PLEKHA8: variants seen among roughly 807,000 people sequenced by gnomAD.
PLEKHA8 encodes pleckstrin homology domain-containing family A member 8.
PLEKHA8 carries 36 observed loss-of-function variants against 68.2 expected under a neutral mutation model. The ratio of observed to expected loss-of-function variants is 0.53; its 90% CI spans 0.40 to 0.70. The LOEUF (loss-of-function observed/expected upper bound fraction) is 0.70. PLEKHA8 is among the 30% of genes least tolerant of loss of function. PLEKHA8 has a pLI of 0.00. For missense variants in PLEKHA8, 505 were observed against 615.4 expected (o/e 0.82, Z 1.90); for synonymous variants, 211 against 216.1 (o/e 0.98, Z 0.20).
intron 4 of PLEKHA8, among the ~76,000 whole-genome samples, chr7:30,048,982 T>G (rs117127612): frequency 0.01 from 1,592 of 152,308 alleles, 22 homozygotes; most frequent in East Asian, 0.04. Context: ...ACAATGTAAA[T>G]TGAACCACTT....
chr7:30,125,768 T>G (rs1206541171), intron 13 of PLEKHA8, among the ~76,000 whole-genome samples: 7 of 152,242 alleles, frequency 4.6e-5, no homozygotes, highest in Admixed American at 4.6e-4. Context: ...GCTGAATCTC[T>G]TTACTTCATA....
downstream of PLEKHA8, among the ~76,000 whole-genome samples, chr7:30,085,343 C>T (rs950995760): frequency 2.6e-5 from 4 of 152,146 alleles, no homozygotes; most frequent in African/African-American, 9.7e-5. Context: ...TTTAAGCATT[C>T]GAGAAAGGCT....
intron 13 of PLEKHA8, among the ~76,000 whole-genome samples, chr7:30,113,135 GTT>G (rs1554282317): frequency 6.6e-6 from 1 of 152,100 alleles, no homozygotes; most frequent in Non-Finnish European, 1.5e-5. Flanking sequence ...ACAGTCAGTG[GTT>G]GCTCTGGTTT....
chr7:30,040,430 C>G (rs1473602573), intron 1 of PLEKHA8, among the ~76,000 whole-genome samples: 1 of 152,194 alleles, frequency 6.6e-6, no homozygotes, highest in Non-Finnish European at 1.5e-5. Flanking sequence ...AAAAAAGAAA[C>G]AGTCCCCATT....
chr7:30,034,934 T>C (rs1790952459), intron 1 of PLEKHA8, among the ~76,000 whole-genome samples: 1 of 152,232 alleles, frequency 6.6e-6, no homozygotes, highest in Non-Finnish European at 1.5e-5. Flanking sequence ...TTGCCAAACC[T>C]AAGGTCATGA....
downstream of PLEKHA8, among the ~76,000 whole-genome samples, chr7:30,085,130 G>A (rs1469737779): frequency 2.6e-5 from 4 of 151,610 alleles, no homozygotes; most frequent in African/African-American, 9.7e-5. Flanking sequence ...GTAGAAATGG[G>A]GTTTCACCAT....
intron 13 of PLEKHA8, chr7:30,116,049 T>G (rs1796520290): frequency 6.8e-6 from 1 of 146,058 alleles, no homozygotes; most frequent in Admixed American, 6.7e-5. Context: ...CGCATACGCA[T>G]ACATACGTAT....
Position 30,082,777 on chromosome 7 carries a change from G to T in PLEKHA8, c.*3990G>T. 1 of 985,102 alleles carries T rather than the reference G, an allele frequency of 1.0e-6. No individual in the cohort carries two copies. Among genetic ancestry groups the T allele is most frequent in the Non-Finnish European group, 1.2e-6 (1 of 829,760 alleles). 61.0% of individuals were successfully genotyped at this position (985,102 alleles called of 1,614,324 possible). A position where few individuals can be genotyped will look rare whatever the true frequency, so the allele number is the denominator to read the frequency against. ...TTTTTTAAGGAAACTTAATCTGATT[G>T]TGAAAATCATACATATGGAGAAACA... On this transcript the variant is annotated 3_prime_UTR_variant, in exon 14 of 14. Coordinates refer to ENST00000449726, the MANE Select transcript of PLEKHA8 (RefSeq NM_001197026.2).
At chr7:30,070,522 G>C (rs776148086) in intron 12 of PLEKHA8, among the ~76,000 whole-genome samples, 3 of 151,832 alleles carry the variant, frequency 2.0e-5, no homozygotes, top group Non-Finnish European at 2.9e-5. Context: ...AGGTCTCTGA[G>C]GTTGGCATAG....
At chr7:30,048,018 G>A (rs1792096573) in intron 4 of PLEKHA8, 62 bp downstream of exon 4, 6 of 948,166 alleles carry the variant, frequency 6.3e-6, no homozygotes, top group Non-Finnish European at 8.2e-6. Flanking sequence ...GTGACTACCA[G>A]TATATCCAAT....
At chr7:30,029,458 G>A (rs1790484829) in intron 1 of PLEKHA8, among the ~76,000 whole-genome samples, 1 of 152,122 alleles carries the variant, frequency 6.6e-6, no homozygotes, top group Admixed American at 6.5e-5. Flanking sequence ...TTACAGATTG[G>A]CTTTAAAATA....
At chr7:30,106,216 G>A (rs576890262) in intron 13 of PLEKHA8, among the ~76,000 whole-genome samples, 30 of 151,982 alleles carry the variant, frequency 2.0e-4, no homozygotes, top group African/African-American at 4.3e-4. Context: ...ATGCCACCAC[G>A]GCCAGCTAAT....
At chr7:30,050,170 TTGAC>T (rs1192536664) in intron 5 of PLEKHA8, among the ~76,000 whole-genome samples, 4 of 152,194 alleles carry the variant, frequency 2.6e-5, no homozygotes, top group Non-Finnish European at 5.9e-5. Flanking sequence ...ATCACTGAGT[TTGAC>T]TGTGATAATT....
At chr7:30,059,574 A>T (rs1793268133) in intron 9 of PLEKHA8, among the ~76,000 whole-genome samples, 1 of 137,634 alleles carries the variant, frequency 7.3e-6, no homozygotes. Context: ...TAGCCAGTTA[A>T]TCAATTTTTT....
chr7:30,078,528 C>T, intron 13 of PLEKHA8, 62 bp from the exon 14 acceptor site: 1 of 1,554,382 alleles, frequency 6.4e-7, no homozygotes, highest in Non-Finnish European at 8.9e-7. Flanking sequence ...TGTGCACATG[C>T]ATAAAAATAA....
At chr7:30,056,742 AGTGTGTGTGTGTGTGTG>A (rs1317717454) in intron 9 of PLEKHA8, among the ~76,000 whole-genome samples, 57 of 74,782 alleles carry the variant, frequency 7.6e-4, no homozygotes, top group Non-Finnish European at 1.1e-3. Flanking sequence ...AAAAAAAAAA[AGTGTGTGTGTGTGTGTG>A]TGTGTGTGTG....
intron 3 of PLEKHA8, among the ~76,000 whole-genome samples, chr7:30,046,848 T>TC (rs1792000045): frequency 6.6e-6 from 1 of 152,216 alleles, no homozygotes; most frequent in African/African-American, 2.4e-5. Flanking sequence ...TCCCTTTTTT[T>TC]CTGGGGTGGG....
intron 1 of PLEKHA8, among the ~76,000 whole-genome samples, chr7:30,032,099 A>G (rs749194311): frequency 6.6e-6 from 1 of 152,236 alleles, no homozygotes; most frequent in Non-Finnish European, 1.5e-5. Context: ...TGAAGAGAGT[A>G]AATTAAAAAC....
intron 5 of PLEKHA8, 81 bp from the exon 6 acceptor site, chr7:30,050,353 C>T: frequency 2.0e-6 from 3 of 1,476,832 alleles, no homozygotes; most frequent in African/African-American, 1.4e-5. Flanking sequence ...TCATATTTAC[C>T]ATTTTGTATG....
Sources: gnomAD v4.1 joint callset for allele counts (sites outside exome capture counted in the v4.1 genomes callset) on GRCh38, gnomAD v4.1.1 for gene constraint, MANE v1.5 for transcripts, NCBI Gene and HGNC (gene_info 2026-07-23, HGNC 2026-07-21) for gene names.